Variants in IK observed in about 807,000 individuals in gnomAD.
IK encodes IK cytokine, also known as protein Red.
IK carries 47 observed loss-of-function variants against 90.9 expected under a neutral mutation model. The observed-to-expected ratio is 0.52, with a 90% CI of 0.41 to 0.66. The LOEUF (loss-of-function observed/expected upper bound fraction) is 0.66. IK is among the 30% of genes least tolerant of loss of function. The pLI is 0.00. For missense variants in IK, 385 were observed against 709.3 expected (o/e 0.54, Z 5.19); for synonymous variants, 201 against 227.5 (o/e 0.88, Z 1.05).
rs552679039 is a variant in IK at position 140,654,073 on chromosome 5, G to C, written c.519+21G>C. The C allele has an allele frequency of 8.0e-6, 11 of 1,381,544 alleles. No homozygotes were observed. In the East Asian group the frequency reaches 2.3e-4, roughly 29 times the overall value. The allele number at this position is 1,381,544 out of a possible 1,614,324, so 85.6% of individuals were successfully genotyped here. The stretch of plus-strand genomic sequence containing the variant: ...AAAAGGTGAGTCCTGGTGGTCAGGT[G>C]GGGAGTAATACTGTCGTGCTGAATG... On this transcript the variant is annotated intron_variant, in intron 6 of 19. Transcript: ENST00000417647.
rs1757815181 is a variant in IK at position 140,662,328 on chromosome 5, A to G, written c.1673A>G (p.Ter558=). 1 of 1,613,936 alleles carries G rather than the reference A, an allele frequency of 6.2e-7. No individual in the cohort carries two copies. The highest frequency in any genetic ancestry group is 8.5e-7 in the Non-Finnish European group (1 of 1,179,778). ...DGVEVKRPKY[*] is the part of the protein sequence containing the mutation. Reference sequence around the variant, plus strand: ...GTTGAAGTCAAAAGACCAAAATACTAATCACTAGTTACAACCAGAGATGCT... The same window carrying G: ...GTTGAAGTCAAAAGACCAAAATACTGATCACTAGTTACAACCAGAGATGCT... Residue 558 remains the stop codon, a stop_retained_variant, in exon 20 of 20, where the codon TAA becomes TGA. Transcript: ENST00000417647.
intron 5 of IK, 83 bp downstream of exon 5, chr5:140,653,227 C>T (rs1372572875): frequency 1.6e-6 from 2 of 1,259,678 alleles, no homozygotes; most frequent in Non-Finnish European, 2.2e-6. Flanking sequence ...TCTTACTTTC[C>T]TGCCCTGGAG....
chr5:140,658,861 T>C, intron 11 of IK, 78 bp from the exon 12 acceptor site: 1 of 1,600,084 alleles, frequency 6.2e-7, no homozygotes, highest in Non-Finnish European at 8.6e-7. Context: ...GGTGCTGACA[T>C]GAGAATCTGG....
At position 140,661,767 on chromosome 5, in the gene IK, A is replaced by G; in HGVS notation, c.1502+59A>G. 2.8e-6 allele frequency: 4 copies of G among 1,424,792 alleles called. No homozygotes were observed. The highest frequency in any genetic ancestry group is 3.6e-4 in the Middle Eastern group (2 of 5,602). The allele number at this position is 1,424,792 out of a possible 1,614,324, so 88.3% of individuals were successfully genotyped here. On this transcript the variant is annotated intron_variant, in intron 17 of 19. Coordinates refer to ENST00000417647, the MANE Select transcript of IK (RefSeq NM_006083.4). This position sits in a 1 kb window ranked among gnomAD's most constrained non-coding sequence, Gnocchi z 4.2. ...GAGGGGTGTGGGGATTTGGTGGAATAGTGCATATAAGGTTAGAGGGTGTGG... is the reference window on the plus strand; with the variant it reads ...GAGGGGTGTGGGGATTTGGTGGAATGGTGCATATAAGGTTAGAGGGTGTGG...
At chr5:140,660,840 C>A in intron 16 of IK, 25 bp downstream of exon 16, 1 of 1,581,792 alleles carries the variant, frequency 6.3e-7, no homozygotes, top group South Asian at 1.1e-5. Flanking sequence ...GGATGGTGGG[C>A]GCCTTTGGGC....
At position 140,662,320 on chromosome 5, in the gene IK, A is replaced by G; in HGVS notation, c.1665A>G (p.Pro555=). The part of the protein sequence containing the change: ...MEADGVEVKR[P]KY Reference sequence around the variant, plus strand: ...ATTGCAGGGTTGAAGTCAAAAGACCAAAATACTAATCACTAGTTACAACCA... The same window carrying G: ...ATTGCAGGGTTGAAGTCAAAAGACCGAAATACTAATCACTAGTTACAACCA... Residue 555 remains proline (P), a synonymous_variant, in exon 20 of 20, where the codon CCA becomes CCG. Transcript: ENST00000417647. The G allele has an allele frequency of 6.2e-7, 1 of 1,613,994 alleles. No homozygotes were observed. The highest frequency in any genetic ancestry group is 1.1e-5 in the South Asian group (1 of 91,084).
chr5:140,651,375 G>A (rs1757613227), intron 2 of IK, among the ~76,000 whole-genome samples: 1 of 151,308 alleles, frequency 6.6e-6, no homozygotes, highest in South Asian at 2.1e-4. Context: ...GGAGGCAGAG[G>A]TTGCAGTGGG....
intron 2 of IK, among the ~76,000 whole-genome samples, chr5:140,651,455 A>AT (rs1757614661): frequency 7.1e-6 from 1 of 140,448 alleles, no homozygotes; most frequent in East Asian, 2.2e-4. Context: ...AAAAAAAAAA[A>AT]GCTGGGTGCG....
chr5:140,649,559 A>G (rs192778711), intron 2 of IK, among the ~76,000 whole-genome samples: 21 of 151,066 alleles, frequency 1.4e-4, no homozygotes, highest in Non-Finnish European at 2.7e-4. Flanking sequence ...TTTTTGGCAT[A>G]TCTTTTCCTC....
At chr5:140,648,422 A>C in intron 1 of IK, 49 bp from the exon 2 acceptor site, 1 of 1,561,860 alleles carries the variant, frequency 6.4e-7, no homozygotes, top group East Asian at 2.2e-5. Flanking sequence ...TTTGCATAGG[A>C]TCTGACACGT....
intron 5 of IK, among the ~76,000 whole-genome samples, chr5:140,653,432 G>A (rs1361839554): frequency 2.7e-5 from 4 of 150,662 alleles, no homozygotes; most frequent in Admixed American, 6.6e-5. Flanking sequence ...GACTACAGGC[G>A]CCCGCCACCA....
intron 14 of IK, 133 bp from the exon 15 acceptor site, chr5:140,659,982 C>A: frequency 1.1e-6 from 1 of 935,354 alleles, no homozygotes; most frequent in Non-Finnish European, 1.7e-6. Flanking sequence ...TTGTTCCTTC[C>A]CAGAGCACCC....
rs549217846 is a variant in IK, at chr5:140,657,565, A to C, written c.813A>C (p.Thr271=). ...ADCPTMEAQT[T]LTTNDIVISK... ...CTTGGTATTTTCAGGCCCAGACCAC[A>C]CTGACCACAAATGACATTGTCATTA... Residue 271 remains threonine, a synonymous_variant, in exon 10 of 20, where the codon ACA becomes ACC. Transcript: ENST00000417647. The C allele has an allele frequency of 6.2e-7, 1 of 1,611,268 alleles. No homozygotes were observed. Among genetic ancestry groups the C allele is most frequent in the Non-Finnish European group, 8.5e-7 (1 of 1,178,984 alleles).
rs1429485472 is a variant in IK at position 140,654,518 on chromosome 5, A to G, written c.522A>G (p.Val174=). The change falls in exon 7 of 20, where the codon GTA becomes GTG. Residue 174 remains valine (V), a splice_region_variant and synonymous_variant. Transcript: ENST00000417647. ...KGLDFALLQK[V]RAEIASKEKE... ...AACCCTGCTTGCTTTCCTGTTAGGT[A>G]CGAGCTGAGATTGCCAGCAAAGAGA... 2 of 1,584,822 alleles carry G rather than the reference A, an allele frequency of 1.3e-6. No homozygotes were observed. Among genetic ancestry groups the G allele is most frequent in the African/African-American group, 1.3e-5 (1 of 74,222 alleles).
chr5:140,650,507 G>A (rs911422461), intron 2 of IK, among the ~76,000 whole-genome samples: 1 of 152,096 alleles, frequency 6.6e-6, no homozygotes. Flanking sequence ...TTCCCTCTTT[G>A]GGAAACACCA....
At position 140,660,638 on chromosome 5, in the gene IK, C is replaced by G. The variant is rs970218550; in HGVS notation, c.1356-120C>G. Reference sequence around the variant, plus strand: ...CTTGGATGAACTATTTTATTAGGCTCTAAGTGGGAGGTCTAGGGGGTGGTC... The same window carrying G: ...CTTGGATGAACTATTTTATTAGGCTGTAAGTGGGAGGTCTAGGGGGTGGTC... On this transcript the variant is annotated intron_variant, in intron 15 of 19. Coordinates refer to ENST00000417647, the MANE Select transcript of IK (RefSeq NM_006083.4). 3.1e-5 allele frequency: 22 copies of G among 712,640 alleles called. No homozygotes were observed. The African/African-American group carries it at 3.4e-4, about 11-fold the overall frequency. The allele number at this position is 712,640 out of a possible 1,614,324, so 44.1% of individuals were successfully genotyped here.
intron 2 of IK, among the ~76,000 whole-genome samples, chr5:140,649,184 TTTTTTTTTTC>T (rs1223133911): frequency 0.01 from 1,532 of 148,332 alleles, 12 homozygotes; most frequent in African/African-American, 0.028. Flanking sequence ...GTCCATTTCT[TTTTTTTTTTC>T]TTTTCTTTTC....
In IK at chr5:140,654,867, G is replaced by A. The variant is rs1331769681; in HGVS notation, c.637+140G>A. ...TTTTGAGACAGTGTCTCACTTAATC[G>A]CCCAGGCTGGAGTGCAGTGGTGTGA... On this transcript the variant is annotated intron_variant, in intron 8 of 19. Transcript: ENST00000417647. The A allele has an allele frequency of 5.9e-6, 4 of 674,960 alleles. No homozygotes were observed. The Admixed American group carries it at 8.6e-5, about 14-fold the overall frequency. 41.8% of individuals were successfully genotyped at this position (674,960 alleles called of 1,614,324 possible). A position where few individuals can be genotyped will look rare whatever the true frequency, so the allele number is the denominator to read the frequency against.
At chr5:140,653,204 T>C (rs1757644309) in intron 5 of IK, 60 bp downstream of exon 5, 15 of 1,442,502 alleles carry the variant, frequency 1.0e-5, no homozygotes, top group Admixed American at 7.4e-5. Flanking sequence ...GCAAATACAA[T>C]GTGAACTCTT....
Sources: gnomAD v4.1 joint callset for allele counts (sites outside exome capture counted in the v4.1 genomes callset) on GRCh38, gnomAD v4.1.1 for gene constraint, Gnocchi (gnomAD v3.1) non-coding constraint, MANE v1.5 for transcripts, NCBI Gene and HGNC (gene_info 2026-07-23, HGNC 2026-07-21) for gene names.